Variants in ODAD3 observed in about 807,000 individuals in gnomAD.
The protein encoded by ODAD3 is outer dynein arm docking complex subunit 3.
A neutral mutation model predicts 70.9 loss-of-function variants in ODAD3; 57 were observed. That is an observed-to-expected ratio of 0.80 (90% CI 0.65 to 1.00). The LOEUF is 1.00. Ranked by LOEUF, ODAD3 falls within the 50% of genes least tolerant of loss-of-function variation. ODAD3 has a pLI of 0.00. For missense variants in ODAD3, 797 were observed against 763.9 expected, an observed-to-expected ratio of 1.04 and a Z score of -0.51; for synonymous variants, 327 against 315.9, an observed-to-expected ratio of 1.04 and a Z score of -0.37.
chr19:11,421,270 G>T (rs1279563056), intron 11 of ODAD3, 58 bp from the exon 12 acceptor site: 1 of 1,490,486 alleles, frequency 6.7e-7, no homozygotes, highest in African/African-American at 1.4e-5. Flanking sequence ...CCACCGAGAA[G>T]TCACGTTCCC....
intron 7 of ODAD3, 84 bp from the exon 8 acceptor site, chr19:11,424,113 G>T (rs1969207093): frequency 6.7e-7 from 1 of 1,503,698 alleles, no homozygotes; most frequent in Non-Finnish European, 9.0e-7. Flanking sequence ...CCAGATAGGG[G>T]CCCGCGAGGA....
At chr19:11,424,173 T>C in intron 7 of ODAD3, 144 bp from the exon 8 acceptor site, 1 of 1,039,430 alleles carries the variant, frequency 9.6e-7, no homozygotes, top group Non-Finnish European at 1.4e-6. Context: ...TGGGGCCAGA[T>C]AAAGGCACCC....
chr19:11,425,381 G>GTGTA (rs1969315010), intron 7 of ODAD3, among the ~76,000 whole-genome samples: 2 of 101,180 alleles, frequency 2.0e-5, no homozygotes, highest in African/African-American at 4.3e-5. Context: ...ATATATGTGT[G>GTGTA]TATGTACATA....
intron 8 of ODAD3, 30 bp downstream of exon 8, chr19:11,423,847 G>T: frequency 6.5e-7 from 1 of 1,546,816 alleles, no homozygotes; most frequent in Non-Finnish European, 8.8e-7. Context: ...GGGGGGGGGC[G>T]CGGCGGAGAG....
chr19:11,421,861 G>C (rs1207213502), intron 10 of ODAD3, 29 bp from the exon 11 acceptor site: 3 of 1,599,258 alleles, frequency 1.9e-6, no homozygotes, highest in Non-Finnish European at 2.6e-6. Flanking sequence ...CGGGTCAGCC[G>C]AGAGGGGTGG....
intron 1 of ODAD3, 28 bp downstream of exon 1, chr19:11,434,745 C>T (rs200902280): frequency 1.3e-6 from 2 of 1,587,598 alleles, no homozygotes; most frequent in South Asian, 1.1e-5. Context: ...TGACCCCTGA[C>T]CCTCTGTACC....
chr19:11,429,429 G>A (rs2144777992), intron 3 of ODAD3, among the ~76,000 whole-genome samples: 1 of 151,068 alleles, frequency 6.6e-6, no homozygotes, highest in Non-Finnish European at 1.5e-5. Context: ...ATTTATTTTT[G>A]AGACAGAGTC....
At chr19:11,435,595 C>T, upstream of ODAD3, 2 of 984,096 alleles carry the variant, frequency 2.0e-6, no homozygotes, top group Non-Finnish European at 2.8e-6. Flanking sequence ...CGGTGCGGAA[C>T]GTACGACCGG....
At chr19:11,425,981 T>G in intron 7 of ODAD3, among the ~76,000 whole-genome samples, 163 bp downstream of exon 7, 1 of 80,466 alleles carries the variant, frequency 1.2e-5, no homozygotes, top group East Asian at 3.6e-4. Flanking sequence ...GGGTCAGGGA[T>G]GTGGGAGGGG....
chr19:11,425,173 G>GTACATATGTGTATATA (rs1367312881), intron 7 of ODAD3, among the ~76,000 whole-genome samples: 3 of 134,602 alleles, frequency 2.2e-5, no homozygotes, highest in Non-Finnish European at 4.7e-5. Flanking sequence ...ATGTGTATAT[G>GTACATATGTGTATATA]TACATATGTG....
upstream of ODAD3, chr19:11,435,314 T>C (rs1487494244): frequency 4.0e-6 from 3 of 755,920 alleles, no homozygotes; most frequent in East Asian, 3.7e-5. Context: ...ACGGAGGGTC[T>C]GGACACTTTG....
At position 11,434,798 on chromosome 19, in the gene ODAD3, C is replaced by T. The variant is rs1330769719; in HGVS notation, c.219G>A (p.Glu73=). 2 of 1,613,444 alleles carry T rather than the reference C, an allele frequency of 1.2e-6. No individual in the cohort carries two copies. Among genetic ancestry groups the T allele is most frequent in the African/African-American group, 1.3e-5 (1 of 74,930 alleles). Residue 73 remains glutamate, a synonymous_variant, in exon 1 of 13, where the codon GAG becomes GAA. Transcript: ENST00000356392. The part of the protein sequence containing the change: ...GKPSVHSQVA[E]LHKKIQLLEG... ...CTAACAGTTGTATCTTTTTATGTAACTCAGCCACCTGAGAGTGCACAGAGG... is the reference window on the plus strand; with the variant it reads ...CTAACAGTTGTATCTTTTTATGTAATTCAGCCACCTGAGAGTGCACAGAGG...
Position 11,422,323 on chromosome 19 carries a change from C to A in ODAD3, c.1434+148G>T. ...CTCTGAGGAATGGGGTGGGGCTTCC[C>A]CTGTGGGCGGGGCCTCTGACGTCCG... On this transcript the variant is annotated intron_variant, in intron 10 of 12. Coordinates refer to ENST00000356392, the MANE Select transcript of ODAD3 (RefSeq NM_145045.5). The surrounding 1 kb of genome is among the most constrained non-coding windows in gnomAD (Gnocchi z 4.6). 1.0e-6 allele frequency: 1 copy of A among 997,726 alleles called. No individual in the cohort carries two copies. The highest frequency in any genetic ancestry group is 1.8e-5 in the South Asian group (1 of 55,606). 61.8% of individuals were successfully genotyped at this position (997,726 alleles called of 1,614,324 possible).
intron 1 of ODAD3, among the ~76,000 whole-genome samples, chr19:11,432,491 C>T (rs187672500): frequency 6.6e-6 from 1 of 152,274 alleles, no homozygotes; most frequent in Non-Finnish European, 1.5e-5. Context: ...AGCAATCCTC[C>T]TGCCTCAGCC....
At position 11,426,777 on chromosome 19, in the gene ODAD3, C is replaced by T. The variant is rs529248956; in HGVS notation, c.620G>A (p.Arg207Gln). 1.2e-6 allele frequency: 2 copies of T among 1,613,940 alleles called. No homozygotes were observed. Among genetic ancestry groups the T allele is most frequent in the Admixed American group, 1.7e-5 (1 of 60,014 alleles). The change falls in exon 5 of 13, where the codon CGG becomes CAG. Residue 207 changes from arginine (R) to glutamine (Q), a missense_variant. Arg to Gln is a conservative substitution (Grantham distance 43). Coordinates refer to ENST00000356392, the MANE Select transcript of ODAD3 (RefSeq NM_145045.5). ...NRHTEVAKTM[R>Q]NLENRLEKAQ... Reference sequence around the variant, plus strand: ...CTTCTCCAGGCGGTTCTCCAGGTTCCGCATGGTCTGGAGAGCAGCAGGGCT... The same window carrying T: ...CTTCTCCAGGCGGTTCTCCAGGTTCTGCATGGTCTGGAGAGCAGCAGGGCT...
rs1296546582 is a variant in ODAD3 at position 11,422,606 on chromosome 19, C to T, written c.1299G>A (p.Glu433=). The T allele has an allele frequency of 1.9e-6, 3 of 1,598,156 alleles. No homozygotes were observed. The highest frequency in any genetic ancestry group is 2.6e-6 in the Non-Finnish European group (3 of 1,174,870). The change falls in exon 10 of 13, where the codon GAG becomes GAA. Residue 433 remains glutamate, a synonymous_variant. Coordinates refer to ENST00000356392, the MANE Select transcript of ODAD3 (RefSeq NM_145045.5). The surrounding 1 kb of genome is among the most constrained non-coding windows in gnomAD (Gnocchi z 4.6). ...CCTCCTTCTTGAGACGCTCCTGCGC[C>T]TCGGCTTGCAGTTTCTGCTGGCTGC... The part of the protein sequence containing the change: ...TLVSQQKLQA[E]AQERLKKEER...
chr19:11,430,205 T>C (rs1969474128), intron 3 of ODAD3, among the ~76,000 whole-genome samples: 1 of 152,006 alleles, frequency 6.6e-6, no homozygotes, highest in African/African-American at 2.4e-5. Context: ...TGGCACAATC[T>C]CGGCTCACTG....
chr19:11,434,046 G>A (rs1383262521), intron 1 of ODAD3, among the ~76,000 whole-genome samples: 1 of 151,534 alleles, frequency 6.6e-6, no homozygotes, highest in Non-Finnish European at 1.5e-5. Context: ...GTGAAACCCA[G>A]TCTCTACTAA....
chr19:11,422,111 C>T lies in ODAD3; in HGVS notation c.1435-279G>A, dbSNP rs111267183. 9.8e-3 allele frequency among the ~76,000 whole-genome samples: 1,494 copies of T among 152,300 alleles called. 30 individuals carry two copies. The highest frequency in any genetic ancestry group is 0.034 in the African/African-American group (1,431 of 41,574). Reference sequence around the variant, plus strand: ...GTGGGATGGCCTCCTGAAGAAATGGCCCTCTGCTGCGGGCAGGATAGGTCT... The same window carrying T: ...GTGGGATGGCCTCCTGAAGAAATGGTCCTCTGCTGCGGGCAGGATAGGTCT... On this transcript the variant is annotated intron_variant, in intron 10 of 12. Transcript: ENST00000356392. This position sits in a 1 kb window ranked among gnomAD's most constrained non-coding sequence, Gnocchi z 4.6.
Sources: gnomAD v4.1 joint callset for allele counts (sites outside exome capture counted in the v4.1 genomes callset) on GRCh38, gnomAD v4.1.1 for gene constraint, Gnocchi (gnomAD v3.1) non-coding constraint, MANE v1.5 for transcripts, NCBI Gene and HGNC (gene_info 2026-07-23, HGNC 2026-07-21) for gene names.